PLA2G6: variants seen among roughly 807,000 people sequenced by gnomAD.
PLA2G6 encodes the protein 85/88 kDa calcium-independent phospholipase A2.
PLA2G6 carries 62 observed loss-of-function variants against 83.8 expected under a neutral mutation model. The ratio of observed to expected loss-of-function variants is 0.74; its 90% CI spans 0.60 to 0.91. The LOEUF is 0.91. Among genes scored for constraint, PLA2G6 ranks in the 40% least tolerant of loss-of-function variants. The pLI is 0.00. For missense variants in PLA2G6, 944 were observed against 1,102.0 expected (o/e 0.86, Z 2.03); for synonymous variants, 417 against 449.8 (o/e 0.93, Z 0.92).
Position 38,111,774 on chromosome 22 carries a change from G to A in PLA2G6, c.*387C>T, listed in dbSNP as rs1490015906. 2.8e-6 allele frequency: 1 copy of A among 351,038 alleles called. No homozygotes were observed. Among genetic ancestry groups the A allele is most frequent in the African/African-American group, 2.1e-5 (1 of 46,942 alleles). The allele number at this position is 351,038 out of a possible 1,614,324, so 21.7% of individuals were successfully genotyped here. On this transcript the variant is annotated 3_prime_UTR_variant, in exon 17 of 17. Coordinates refer to ENST00000332509, the MANE Select transcript of PLA2G6 (RefSeq NM_003560.4). ...TGGGCTGCACCCACCAGGAAGCCTGGGAGTGCCCTTGCTGGGGGCTGGGGC... is the reference window on the plus strand; with the variant it reads ...TGGGCTGCACCCACCAGGAAGCCTGAGAGTGCCCTTGCTGGGGGCTGGGGC...
intron 2 of PLA2G6, chr22:38,148,630 A>G: frequency 1.4e-6 from 1 of 704,722 alleles, no homozygotes. Context: ...GCGTCTGCCA[A>G]GAGGAGAGCC....
chr22:38,151,719 G>A (rs1370842832), intron 2 of PLA2G6, among the ~76,000 whole-genome samples: 4 of 152,174 alleles, frequency 2.6e-5, no homozygotes, highest in African/African-American at 9.7e-5. Context: ...CAGCATCGAA[G>A]CCTGGAAGGG....
intron 12 of PLA2G6, among the ~76,000 whole-genome samples, chr22:38,117,862 CCT>C (rs890595092): frequency 6.6e-6 from 1 of 151,718 alleles, no homozygotes; most frequent in African/African-American, 2.4e-5. Context: ...ATGGTGAAAC[CCT>C]GTCTCTACTA....
intron 4 of PLA2G6, chr22:38,141,659 T>G (rs1291626829): frequency 6.6e-6 from 1 of 152,134 alleles, no homozygotes; most frequent in Non-Finnish European, 1.5e-5. Context: ...ACCCCATGAG[T>G]GTATTCTAAG....
intron 9 of PLA2G6, 64 bp from the exon 10 acceptor site, chr22:38,126,513 G>T (rs770030580): frequency 1.6e-6 from 2 of 1,260,820 alleles, no homozygotes; most frequent in South Asian, 1.2e-5. Context: ...TACCCCAGAG[G>T]TCCCTAGATC....
intron 1 of PLA2G6, among the ~76,000 whole-genome samples, chr22:38,173,163 C>G (rs2090501674): frequency 6.6e-6 from 1 of 152,128 alleles, no homozygotes; most frequent in Non-Finnish European, 1.5e-5. Context: ...ACCCTGGAGC[C>G]TAGGCTCTTC....
intron 14 of PLA2G6, among the ~76,000 whole-genome samples, chr22:38,114,216 T>C (rs1022036285): frequency 6.6e-6 from 1 of 151,108 alleles, no homozygotes; most frequent in African/African-American, 2.4e-5. Flanking sequence ...AGTCTCGCTC[T>C]GTCTCCCAGT....
In PLA2G6 at chr22:38,132,486, T is replaced by A. The variant is rs2088278081; in HGVS notation, c.1077+345A>T. The stretch of plus-strand genomic sequence containing the variant: ...TTCCAGATAAGTATTGACACCACCA[T>A]TTTCCAGATGAGGAAATCGAGGCTG... On this transcript the variant is annotated intron_variant, in intron 7 of 16. Transcript: ENST00000332509. The surrounding 1 kb of genome is among the most constrained non-coding windows in gnomAD (Gnocchi z 5.0). The A allele has an allele frequency of 4.7e-6, 2 of 424,052 alleles. No individual in the cohort carries two copies. The highest frequency in any genetic ancestry group is 8.7e-6 in the Non-Finnish European group (2 of 229,712). 26.3% of individuals were successfully genotyped at this position (424,052 alleles called of 1,614,324 possible). A position where few individuals can be genotyped will look rare whatever the true frequency, so the allele number is the denominator to read the frequency against.
chr22:38,141,367 A>T (rs1179207555), intron 4 of PLA2G6: 1 of 152,228 alleles, frequency 6.6e-6, no homozygotes, highest in African/African-American at 2.4e-5. Context: ...AAAAAAAGAA[A>T]GTGCTAGGAG....
Position 38,111,662 on chromosome 22 carries a change from C to A in PLA2G6, c.*499G>T, listed in dbSNP as rs536399823. 1.0e-3 allele frequency: 210 copies of A among 205,734 alleles called. 1 individual carries two copies. Among genetic ancestry groups the A allele is most frequent in the African/African-American group, 4.8e-3 (205 of 43,082 alleles). 12.7% of individuals were successfully genotyped at this position (205,734 alleles called of 1,614,324 possible). A position where few individuals can be genotyped will look rare whatever the true frequency, so the allele number is the denominator to read the frequency against. ...AAGTCCAACGGGCATCCCACTCCTG[C>A]GGCCTGGGCTTTCCCAGCTGATGGG... On this transcript the variant is annotated 3_prime_UTR_variant, in exon 17 of 17. Coordinates refer to ENST00000332509, the MANE Select transcript of PLA2G6 (RefSeq NM_003560.4).
At chr22:38,124,053 T>C (rs1186373642) in intron 10 of PLA2G6, among the ~76,000 whole-genome samples, 2 of 152,166 alleles carry the variant, frequency 1.3e-5, no homozygotes, top group African/African-American at 4.8e-5. Flanking sequence ...CAGGCTGGTC[T>C]TGAACTCCCG....
rs767732261 is a variant in PLA2G6, at chr22:38,116,079, G to C, written c.1875C>G (p.Pro625=). The C allele has an allele frequency of 6.2e-7, 1 of 1,613,988 alleles. No homozygotes were observed. The change falls in exon 13 of 17, where the codon CCC becomes CCG. Residue 625 remains proline, a synonymous_variant. Transcript: ENST00000332509. ...TGCATCAAACATGGTTTAAACCTGA[G>C]GGCTGAGCTGGAGGCCTGAGGTTAA... ...QNVNLRPPAQ[P]SDQLVWRAAR...
chr22:38,113,070 C>A (rs1045189827), intron 15 of PLA2G6, among the ~76,000 whole-genome samples: 3 of 152,126 alleles, frequency 2.0e-5, no homozygotes, highest in Non-Finnish European at 4.4e-5. Context: ...CCATGTCCAG[C>A]TAGTTTTTAA....
At chr22:38,122,393 C>T (rs2087576447) in intron 11 of PLA2G6, among the ~76,000 whole-genome samples, 1 of 152,186 alleles carries the variant, frequency 6.6e-6, no homozygotes, top group Non-Finnish European at 1.5e-5. Flanking sequence ...CCCCTCCCCA[C>T]CTGTCAGCAC....
chr22:38,119,787 T>C (rs1602084160), intron 12 of PLA2G6, among the ~76,000 whole-genome samples: 1 of 152,010 alleles, frequency 6.6e-6, no homozygotes, highest in Middle Eastern at 3.4e-3. Context: ...TACTCCAGCA[T>C]GGGCCCCACA....
At chr22:38,118,445 C>G (rs1482899783) in intron 12 of PLA2G6, among the ~76,000 whole-genome samples, 2 of 152,240 alleles carry the variant, frequency 1.3e-5, no homozygotes, top group Non-Finnish European at 2.9e-5. Context: ...GGTACAGAAT[C>G]CTGGTCCAAA....
chr22:38,130,311 G>A (rs747118153), intron 7 of PLA2G6: 9 of 155,236 alleles, frequency 5.8e-5, no homozygotes, highest in Non-Finnish European at 1.0e-4. Context: ...TTTTGTTGTT[G>A]TTACTGTTTT....
At chr22:38,173,925 G>A (rs767936840) in intron 1 of PLA2G6, among the ~76,000 whole-genome samples, 4 of 152,072 alleles carry the variant, frequency 2.6e-5, no homozygotes, top group Non-Finnish European at 4.4e-5. Flanking sequence ...GGTGGTGTGC[G>A]CCTGTGGTCC....
At chr22:38,126,311 G>T in intron 10 of PLA2G6, 60 bp downstream of exon 10, 2 of 1,279,728 alleles carry the variant, frequency 1.6e-6, no homozygotes, top group South Asian at 1.2e-5. Flanking sequence ...AACAGGGGGT[G>T]GGTGAGGGGC....
Sources: allele counts gnomAD v4.1 joint callset (sites outside exome capture counted in the v4.1 genomes callset), GRCh38; gene constraint gnomAD v4.1.1; non-coding constraint Gnocchi (gnomAD v3.1); transcripts MANE v1.5; gene names NCBI Gene and HGNC (gene_info 2026-07-23, HGNC 2026-07-21).